The following CSMD1 variants were observed in gnomAD, a reference collection of about 807,000 sequenced individuals.
CSMD1 encodes CUB and Sushi multiple domains 1.
In CSMD1, 213 loss-of-function variants were observed where a neutral mutation model predicts 417.5. The observed-to-expected ratio is 0.51, with a 90% CI of 0.46 to 0.57. The LOEUF (loss-of-function observed/expected upper bound fraction) is 0.57, where lower values mean the gene tolerates loss of function less well. Among genes scored for constraint, CSMD1 ranks in the 20% least tolerant of loss-of-function variants. CSMD1 has a pLI of 0.00. For synonymous variants in CSMD1, 2,862 were observed against 1,736.8 expected, an observed-to-expected ratio of 1.65 and a Z score of -16.11; for missense variants, 6,923 against 4,529.7, an observed-to-expected ratio of 1.53 and a Z score of -15.17.
chr8:4,148,850 G>A (rs185275507), intron 3 of CSMD1, among the ~76,000 whole-genome samples: 28 of 152,272 alleles, frequency 1.8e-4, no homozygotes, highest in East Asian at 1.9e-4. Flanking sequence ...TTGTGTCCTG[G>A]GAAAGATGGC....
At chr8:4,239,684 G>A (rs968427450) in intron 3 of CSMD1, among the ~76,000 whole-genome samples, 1 of 152,206 alleles carries the variant, frequency 6.6e-6, no homozygotes, top group East Asian at 1.9e-4. Context: ...TTGGGTGGCA[G>A]AACATCGCAT....
At chr8:3,619,078 G>C (rs149426099) in intron 7 of CSMD1, among the ~76,000 whole-genome samples, 2 of 151,520 alleles carry the variant, frequency 1.3e-5, no homozygotes, top group African/African-American at 4.9e-5. Context: ...GGGTACACTG[G>C]GGTAAGGGAT....
chr8:3,571,160 G>A (rs1174336472), intron 10 of CSMD1, among the ~76,000 whole-genome samples: 2 of 152,096 alleles, frequency 1.3e-5, no homozygotes, highest in Non-Finnish European at 2.9e-5. Context: ...AACTGACTAT[G>A]AGAGAAAACC....
intron 2 of CSMD1, among the ~76,000 whole-genome samples, chr8:4,523,359 G>C (rs1351197735): frequency 1.8e-4 from 27 of 152,082 alleles, no homozygotes; most frequent in Admixed American, 1.8e-3. Flanking sequence ...TCATCAAAGT[G>C]ACTTTTTGTT....
chr8:4,855,463 T>G, intron 1 of CSMD1, among the ~76,000 whole-genome samples: 1 of 152,092 alleles, frequency 6.6e-6, no homozygotes, highest in Non-Finnish European at 1.5e-5. Flanking sequence ...ATCAAATTAC[T>G]CTCAGCTACG....
At chr8:4,255,992 G>T (rs1056147992) in intron 3 of CSMD1, among the ~76,000 whole-genome samples, 1 of 152,142 alleles carries the variant, frequency 6.6e-6, no homozygotes. Flanking sequence ...CTACGTGCAG[G>T]GTAGAGAGGG....
chr8:4,156,447 C>T (rs903282545), intron 3 of CSMD1, among the ~76,000 whole-genome samples: 1 of 152,126 alleles, frequency 6.6e-6, no homozygotes, highest in African/African-American at 2.4e-5. Context: ...GATAAATATG[C>T]TATTGGTGCT....
At chr8:3,497,359 A>C (rs1259090445) in intron 10 of CSMD1, among the ~76,000 whole-genome samples, 2 of 152,040 alleles carry the variant, frequency 1.3e-5, no homozygotes, top group African/African-American at 4.8e-5. Flanking sequence ...ATTGTTATAC[A>C]TTATTTTTGT....
Position 4,602,270 on chromosome 8 carries a change from A to G in CSMD1, c.302+35072T>C, listed in dbSNP as rs950290717. ...ATTTTAGAAGAGAAAATCTCTTACT[A>G]AAAAAGAGGAAGAAAGGGGCCCTGC... On this transcript the variant is annotated intron_variant, in intron 2 of 69. Transcript: ENST00000635120. Among the ~76,000 whole-genome samples, 8 of 152,106 alleles carry G rather than the reference A, an allele frequency of 5.3e-5. 1 individual carries two copies. In the South Asian group the frequency reaches 1.7e-3, roughly 32 times the overall value.
chr8:3,989,163 G>GT (rs1814554787), intron 5 of CSMD1, among the ~76,000 whole-genome samples: 3 of 152,160 alleles, frequency 2.0e-5, no homozygotes, highest in African/African-American at 7.2e-5. Flanking sequence ...TTTTCCAAGC[G>GT]TCTGCTCATT....
chr8:4,302,461 G>C (rs1285116496), intron 3 of CSMD1, among the ~76,000 whole-genome samples: 3 of 152,108 alleles, frequency 2.0e-5, no homozygotes, highest in Non-Finnish European at 4.4e-5. Flanking sequence ...ATATCGTGCA[G>C]ACAAAACAGC....
intron 1 of CSMD1, among the ~76,000 whole-genome samples, chr8:4,774,889 G>A (rs1203711171): frequency 1.3e-5 from 2 of 152,156 alleles, no homozygotes; most frequent in African/African-American, 2.4e-5. Context: ...AAAGTTACCT[G>A]AGGCCTCCGC....
At chr8:4,375,242 A>T (rs2128915274) in intron 3 of CSMD1, among the ~76,000 whole-genome samples, 1 of 152,296 alleles carries the variant, frequency 6.6e-6, no homozygotes, top group African/African-American at 2.4e-5. Flanking sequence ...CTTAGAATAC[A>T]TAAAACATGC....
chr8:4,398,469 C>A (rs1251568108), intron 3 of CSMD1, among the ~76,000 whole-genome samples: 2 of 143,892 alleles, frequency 1.4e-5, no homozygotes, highest in African/African-American at 2.6e-5. Context: ...TCTCGGCTCA[C>A]TGCAACCTCC....
In CSMD1 at chr8:3,296,319, T is replaced by G. The variant is rs540836407; in HGVS notation, c.3950+11376A>C. On this transcript the variant is annotated intron_variant, in intron 25 of 69. Coordinates refer to ENST00000635120, the MANE Select transcript of CSMD1 (RefSeq NM_033225.6). ...CCACGTAAGGGGCATACCGTCCGCA[T>G]TTGAGGACAGCCAGGAGCCAGTGCA... Among the ~76,000 whole-genome samples the G allele has an allele frequency of 3.3e-5, 5 of 151,690 alleles. No homozygotes were observed. In the South Asian group the frequency reaches 1.0e-3, roughly 32 times the overall value.
intron 6 of CSMD1, 28 bp downstream of exon 6, chr8:3,753,902 T>A (rs757049830): frequency 1.1e-5 from 16 of 1,494,108 alleles, no homozygotes; most frequent in Non-Finnish European, 1.4e-5. Flanking sequence ...CTGTTTTTTT[T>A]TTTTCTTATA....
At chr8:3,696,051 G>T (rs184218712) in intron 7 of CSMD1, among the ~76,000 whole-genome samples, 1 of 152,030 alleles carries the variant, frequency 6.6e-6, no homozygotes, top group Admixed American at 6.5e-5. Context: ...GCAAAAAAAA[G>T]CTGTTAAGAT....
chr8:4,053,882 C>G (rs1188679735), intron 3 of CSMD1, among the ~76,000 whole-genome samples: 1 of 152,026 alleles, frequency 6.6e-6, no homozygotes, highest in East Asian at 1.9e-4. Context: ...AAATTAGTTG[C>G]TATAATTATC....
intron 37 of CSMD1, among the ~76,000 whole-genome samples, chr8:3,177,009 C>A (rs1404848763): frequency 6.6e-6 from 1 of 151,986 alleles, no homozygotes; most frequent in African/African-American, 2.4e-5. Context: ...AGCTTCTGGG[C>A]TCAAGCGATC....
Sources: allele counts gnomAD v4.1 joint callset (sites outside exome capture counted in the v4.1 genomes callset), GRCh38; gene constraint gnomAD v4.1.1; transcripts MANE v1.5; gene names NCBI Gene and HGNC (gene_info 2026-07-23, HGNC 2026-07-21).